Variants in COL25A1 observed in about 807,000 individuals in gnomAD.
The protein encoded by COL25A1 is collagen type XXV alpha 1 chain, also known as collagen alpha-1(XXV) chain.
Under a neutral mutation model 128.4 loss-of-function variants are expected in COL25A1, and 103 were observed. The ratio of observed to expected loss-of-function variants is 0.80; its 90% confidence interval spans 0.68 to 0.94. The LOEUF is 0.94. Among genes scored for constraint, COL25A1 ranks in the 40% least tolerant of loss-of-function variants. The pLI is 0.00. For missense variants in COL25A1, 745 were observed against 840.0 expected (o/e 0.89, Z 1.40); for synonymous variants, 279 against 277.2 (o/e 1.01, Z -0.06).
At chr4:109,115,333 T>C (rs938778786) in intron 3 of COL25A1, among the ~76,000 whole-genome samples, 3 of 152,120 alleles carry the variant, frequency 2.0e-5, no homozygotes, top group African/African-American at 7.2e-5. Context: ...AAAGACTTTC[T>C]TGCGTTGAAA....
chr4:108,914,600 A>G (rs1220431551), intron 13 of COL25A1, among the ~76,000 whole-genome samples: 1 of 148,878 alleles, frequency 6.7e-6, no homozygotes, highest in Non-Finnish European at 1.5e-5. Context: ...TGAGGAATTC[A>G]CCTGGCTTTT....
intron 3 of COL25A1, among the ~76,000 whole-genome samples, chr4:109,206,663 A>AT (rs1276083088): frequency 6.6e-6 from 1 of 152,126 alleles, no homozygotes. Context: ...AAGAATCCAG[A>AT]TTTTTTACTT....
rs188936866 is a variant in COL25A1, at chr4:109,008,508, G to A, written c.438+1850C>T. Among the ~76,000 whole-genome samples the A allele has an allele frequency of 3.9e-4, 59 of 152,222 alleles. 1 individual carries two copies. The East Asian group carries it at 0.011, about 29-fold the overall frequency. Reference sequence around the variant, plus strand: ...TCTTAAGAAATGCTTTGGGATGTGGGAAAGAAGGTCCAGCTAAGACAGAGG... The same window carrying A: ...TCTTAAGAAATGCTTTGGGATGTGGAAAAGAAGGTCCAGCTAAGACAGAGG... On this transcript the variant is annotated intron_variant, in intron 6 of 37. Coordinates refer to ENST00000399132, the MANE Select transcript of COL25A1 (RefSeq NM_198721.4).
chr4:108,921,068 C>CT (rs912245002), intron 11 of COL25A1: 56 of 153,966 alleles, frequency 3.6e-4, no homozygotes, highest in African/African-American at 1.3e-3. Flanking sequence ...AGAAACATGA[C>CT]TTTTTTTTTC....
At chr4:109,286,117 T>C (rs1287221336) in intron 3 of COL25A1, among the ~76,000 whole-genome samples, 1 of 152,184 alleles carries the variant, frequency 6.6e-6, no homozygotes, top group African/African-American at 2.4e-5. Context: ...TATAATAGTG[T>C]ATAGCCTTCA....
At chr4:109,091,116 C>A (rs1489515287) in intron 3 of COL25A1, among the ~76,000 whole-genome samples, 4 of 152,156 alleles carry the variant, frequency 2.6e-5, no homozygotes, top group African/African-American at 9.7e-5. Flanking sequence ...TTTTGAAATG[C>A]TTCAGAATAA....
At chr4:109,187,603 G>C (rs1481384543) in intron 3 of COL25A1, among the ~76,000 whole-genome samples, 1 of 152,156 alleles carries the variant, frequency 6.6e-6, no homozygotes, top group African/African-American at 2.4e-5. Context: ...TACTTACGTA[G>C]CATATTGTAG....
intron 3 of COL25A1, among the ~76,000 whole-genome samples, chr4:109,189,527 G>C (rs948998809): frequency 8.2e-6 from 1 of 121,548 alleles, no homozygotes; most frequent in Non-Finnish European, 1.6e-5. Flanking sequence ...CAGGCTGGGT[G>C]ACAGAGAGAG....
At chr4:109,068,750 C>A (rs1207815506) in intron 3 of COL25A1, among the ~76,000 whole-genome samples, 1 of 152,102 alleles carries the variant, frequency 6.6e-6, no homozygotes, top group African/African-American at 2.4e-5. Context: ...CTAAATATGA[C>A]CTCACGAAGT....
intron 3 of COL25A1, among the ~76,000 whole-genome samples, chr4:109,063,228 G>T (rs983576947): frequency 6.6e-6 from 1 of 152,110 alleles, no homozygotes; most frequent in Non-Finnish European, 1.5e-5. Context: ...TCAATAAAAG[G>T]CTGGGTGCTC....
At chr4:108,845,359 A>G in intron 28 of COL25A1, 108 bp from the exon 29 acceptor site, 1 of 817,280 alleles carries the variant, frequency 1.2e-6, no homozygotes, top group South Asian at 1.5e-5. Context: ...TTATAATATT[A>G]TGCACTTGCT....
chr4:109,264,347 T>C (rs1036492518), intron 3 of COL25A1, among the ~76,000 whole-genome samples: 10 of 152,182 alleles, frequency 6.6e-5, no homozygotes, highest in African/African-American at 2.4e-4. Flanking sequence ...GATTTCACTT[T>C]AGAAAGAACA....
chr4:109,267,164 G>A (rs2126261055), intron 3 of COL25A1, among the ~76,000 whole-genome samples: 1 of 152,216 alleles, frequency 6.6e-6, no homozygotes, highest in Admixed American at 6.5e-5. Flanking sequence ...GATAGGAAAA[G>A]TCCACTGAGT....
Position 109,020,408 on chromosome 4 carries a change from C to A in COL25A1, c.421-10033G>T, listed in dbSNP as rs887428076. ...TGAAAAGCAAAAGCCATATTCTACT[C>A]CAGAGGAAAATAAGTGGTTCATCTA... On this transcript the variant is annotated intron_variant, in intron 5 of 37. Transcript: ENST00000399132. Among the ~76,000 whole-genome samples, 3 of 150,866 alleles carry A rather than the reference C, an allele frequency of 2.0e-5. No homozygotes were observed. In the Admixed American group the frequency reaches 2.0e-4, roughly 10 times the overall value.
chr4:109,196,941 G>A (rs184344656), intron 3 of COL25A1, among the ~76,000 whole-genome samples: 4 of 152,178 alleles, frequency 2.6e-5, no homozygotes, highest in Admixed American at 1.3e-4. Flanking sequence ...TGTTACTCAT[G>A]GTCCATTTAG....
At chr4:109,119,021 G>A (rs900219571) in intron 3 of COL25A1, among the ~76,000 whole-genome samples, 3 of 151,864 alleles carry the variant, frequency 2.0e-5, no homozygotes, top group African/African-American at 7.3e-5. Context: ...ATGTTTGCTG[G>A]CAGATAACAA....
intron 3 of COL25A1, among the ~76,000 whole-genome samples, chr4:109,174,520 G>A (rs1342451650): frequency 6.6e-6 from 1 of 152,138 alleles, no homozygotes; most frequent in Non-Finnish European, 1.5e-5. Context: ...TATGAAGCCT[G>A]CCTCTCACAG....
intron 5 of COL25A1, among the ~76,000 whole-genome samples, chr4:109,037,742 C>G (rs1296750998): frequency 6.6e-6 from 1 of 152,196 alleles, no homozygotes; most frequent in Non-Finnish European, 1.5e-5. Context: ...CTCTCCTTCT[C>G]TGAGCCCTTG....
chr4:109,141,939 T>C (rs1402126546), intron 3 of COL25A1, among the ~76,000 whole-genome samples: 4 of 152,200 alleles, frequency 2.6e-5, no homozygotes, highest in Admixed American at 6.5e-5. Context: ...AGTTCTGCTC[T>C]GATCTTAGTT....
Sources: gnomAD v4.1 joint callset for allele counts (sites outside exome capture counted in the v4.1 genomes callset) on GRCh38, gnomAD v4.1.1 for gene constraint, MANE v1.5 for transcripts, NCBI Gene and HGNC (gene_info 2026-07-23, HGNC 2026-07-21) for gene names.